The following LHFPL3 variants were observed in gnomAD, a reference collection of about 807,000 sequenced individuals.
LHFPL3 encodes LHFPL tetraspan subfamily member 3.
Under a neutral mutation model 19.3 loss-of-function variants are expected in LHFPL3, and 5 were observed. The observed-to-expected ratio is 0.26, with a 90% confidence interval of 0.14 to 0.54. The LOEUF (loss-of-function observed/expected upper bound fraction) is 0.54. Ranked by LOEUF, LHFPL3 falls within the 20% of genes least tolerant of loss-of-function variation. LHFPL3 has a pLI of 0.94. For synonymous variants in LHFPL3, 133 were observed against 126.2 expected (o/e 1.05, Z -0.36); for missense variants, 249 against 307.4 (o/e 0.81, Z 1.42).
chr7:104,663,485 T>C (rs566046405), intron 1 of LHFPL3, among the ~76,000 whole-genome samples: 31 of 152,312 alleles, frequency 2.0e-4, no homozygotes, highest in African/African-American at 7.2e-4. Context: ...TCATCCCTCA[T>C]TGAGCATTGA....
intron 2 of LHFPL3, among the ~76,000 whole-genome samples, chr7:104,737,960 T>A (rs1450125746): frequency 6.6e-6 from 1 of 152,182 alleles, no homozygotes; most frequent in African/African-American, 2.4e-5. Context: ...TAGCAGGCTT[T>A]ATATCTAGAC....
intron 1 of LHFPL3, among the ~76,000 whole-genome samples, chr7:104,474,057 G>T (rs1006977487): frequency 3.9e-5 from 6 of 152,164 alleles, no homozygotes; most frequent in Non-Finnish European, 5.9e-5. Context: ...CTCTCATGGA[G>T]TAGGAAAATG....
At chr7:104,658,648 A>G (rs1792162545) in intron 1 of LHFPL3, among the ~76,000 whole-genome samples, 2 of 152,120 alleles carry the variant, frequency 1.3e-5, no homozygotes, top group Admixed American at 6.5e-5. Context: ...TAAAAATACA[A>G]CTAGCTGGGT....
intron 1 of LHFPL3, among the ~76,000 whole-genome samples, chr7:104,424,912 G>A (rs1419040655): frequency 6.7e-6 from 1 of 148,474 alleles, no homozygotes; most frequent in African/African-American, 2.5e-5. Flanking sequence ...AACCCGGGAG[G>A]AAGAGCTTGC....
At chr7:104,623,323 T>C (rs1791483351) in intron 1 of LHFPL3, among the ~76,000 whole-genome samples, 1 of 152,038 alleles carries the variant, frequency 6.6e-6, no homozygotes. Flanking sequence ...TAACTTCTGA[T>C]ACTGAATCAT....
chr7:104,450,297 C>T (rs1792408803), intron 1 of LHFPL3, among the ~76,000 whole-genome samples: 1 of 152,160 alleles, frequency 6.6e-6, no homozygotes, highest in Non-Finnish European at 1.5e-5. Context: ...AATTGTAAAT[C>T]GTGCCCTTTA....
intron 1 of LHFPL3, among the ~76,000 whole-genome samples, chr7:104,733,756 C>T (rs1191068934): frequency 1.3e-5 from 2 of 152,148 alleles, no homozygotes; most frequent in Non-Finnish European, 1.5e-5. Flanking sequence ...GAATTTGATC[C>T]TGTCATTATG....
intron 1 of LHFPL3, among the ~76,000 whole-genome samples, chr7:104,592,966 G>T (rs1372919290): frequency 4.6e-5 from 7 of 152,192 alleles, no homozygotes; most frequent in Non-Finnish European, 7.3e-5. Flanking sequence ...CACAGGATTA[G>T]GGTGGCATTG....
At chr7:104,453,872 C>T (rs768005330) in intron 1 of LHFPL3, among the ~76,000 whole-genome samples, 6 of 152,222 alleles carry the variant, frequency 3.9e-5, no homozygotes, top group Admixed American at 1.3e-4. Flanking sequence ...GCTCCCCCAT[C>T]GCCTTCCACC....
chr7:104,607,995 C>T, intron 1 of LHFPL3, among the ~76,000 whole-genome samples: 1 of 152,124 alleles, frequency 6.6e-6, no homozygotes, highest in Non-Finnish European at 1.5e-5. Flanking sequence ...AGTCAGGAAA[C>T]AACAGGTGCT....
intron 1 of LHFPL3, among the ~76,000 whole-genome samples, chr7:104,583,289 A>C (rs1410581387): frequency 6.6e-6 from 1 of 152,180 alleles, no homozygotes; most frequent in Non-Finnish European, 1.5e-5. Context: ...TCCCTTCCTT[A>C]CACCTTATAC....
intron 1 of LHFPL3, among the ~76,000 whole-genome samples, chr7:104,592,400 G>A (rs1231198331): frequency 2.2e-5 from 2 of 90,694 alleles, no homozygotes; most frequent in Non-Finnish European, 4.9e-5. Context: ...TCCAGACCCT[G>A]TTTGCCTGGG....
At chr7:104,647,916 T>G (rs1490154603) in intron 1 of LHFPL3, among the ~76,000 whole-genome samples, 2 of 152,206 alleles carry the variant, frequency 1.3e-5, no homozygotes, top group African/African-American at 4.8e-5. Context: ...CAGGGTCTAC[T>G]GGACACCTCT....
At chr7:104,844,272 C>A (rs1473042374) in intron 2 of LHFPL3, among the ~76,000 whole-genome samples, 1 of 152,220 alleles carries the variant, frequency 6.6e-6, no homozygotes, top group African/African-American at 2.4e-5. Context: ...CTGTGAGGCA[C>A]CAGATGGAGG....
At chr7:104,735,601 C>T (rs2116298280) in intron 1 of LHFPL3, among the ~76,000 whole-genome samples, 1 of 152,330 alleles carries the variant, frequency 6.6e-6, no homozygotes, top group East Asian at 1.9e-4. Context: ...CCCGATTTTC[C>T]AGGTGCCATC....
At chr7:104,585,735 G>C (rs1218329877) in intron 1 of LHFPL3, among the ~76,000 whole-genome samples, 1 of 152,170 alleles carries the variant, frequency 6.6e-6, no homozygotes, top group Non-Finnish European at 1.5e-5. Context: ...GGGGAATGCA[G>C]AGGAATGCTC....
intron 2 of LHFPL3, among the ~76,000 whole-genome samples, chr7:104,873,364 T>C (rs1791871248): frequency 6.6e-6 from 1 of 152,136 alleles, no homozygotes; most frequent in Non-Finnish European, 1.5e-5. Flanking sequence ...TAGCAGAAGA[T>C]CCTATTAAGA....
intron 1 of LHFPL3, among the ~76,000 whole-genome samples, chr7:104,560,660 G>GT (rs1330962054): frequency 1.3e-5 from 2 of 151,078 alleles, no homozygotes; most frequent in African/African-American, 4.9e-5. Flanking sequence ...TTTTTGAAGA[G>GT]TTTTTTGTGT....
At chr7:104,521,445 C>T (rs1330204934) in intron 1 of LHFPL3, among the ~76,000 whole-genome samples, 3 of 152,090 alleles carry the variant, frequency 2.0e-5, no homozygotes, top group Admixed American at 6.6e-5. Flanking sequence ...GTGGAGAGTT[C>T]TGTAGGCATT....
Sources: allele counts gnomAD v4.1 joint callset (sites outside exome capture counted in the v4.1 genomes callset), GRCh38; gene constraint gnomAD v4.1.1; transcripts MANE v1.5; gene names NCBI Gene and HGNC (gene_info 2026-07-23, HGNC 2026-07-21).